Variants in CNTN6 observed in about 807,000 individuals in gnomAD.
CNTN6 encodes the protein contactin-6.
A neutral mutation model predicts 122.8 loss-of-function variants in CNTN6; 137 were observed. That is an observed-to-expected ratio of 1.12 (90% CI 0.97 to 1.29). The LOEUF (loss-of-function observed/expected upper bound fraction) is 1.29. Ranked by LOEUF, CNTN6 falls within the 50% of genes most tolerant of loss-of-function variation. The probability of loss-of-function intolerance (pLI) is 0.00; values close to 1 mark genes in which losing one functional copy is unlikely to be tolerated. For synonymous variants in CNTN6, 570 were observed against 426.0 expected (o/e 1.34, Z -4.16); for missense variants, 1,634 against 1,223.4 (o/e 1.34, Z -5.01).
chr3:1,238,528 G>C (rs1254098003), intron 4 of CNTN6, among the ~76,000 whole-genome samples: 1 of 152,032 alleles, frequency 6.6e-6, no homozygotes, highest in Non-Finnish European at 1.5e-5. Context: ...CACTAGACAA[G>C]TCATCAAGAC....
chr3:1,231,779 C>T (rs1041750474), intron 4 of CNTN6, among the ~76,000 whole-genome samples: 1 of 152,148 alleles, frequency 6.6e-6, no homozygotes, highest in Non-Finnish European at 1.5e-5. Flanking sequence ...CAGGTAGATC[C>T]TATTTTAAGT....
At position 1,383,404 on chromosome 3, in the gene CNTN6, A is replaced by G. The variant is rs374372478; in HGVS notation, c.2513A>G (p.Tyr838Cys). ...WNRNTGRVLG[Y>C]EVLYWTDDSK... ...AGAAACACTGGAAGAGTGCTGGGCT[A>G]TGAGGTAATCCACATTAATTTCACT... The change falls in exon 19 of 23, where the codon TAT (tyrosine) becomes TGT (cysteine). Residue 838 changes from tyrosine to cysteine, a missense_variant. Tyr to Cys is a radical substitution (Grantham distance 194). Coordinates refer to ENST00000446702, the MANE Select transcript of CNTN6 (RefSeq NM_001289080.2). The G allele has an allele frequency of 3.8e-5, 61 of 1,611,978 alleles. No individual in the cohort carries two copies. The highest frequency in any genetic ancestry group is 4.9e-5 in the Non-Finnish European group (58 of 1,178,334).
chr3:1,356,643 T>G (rs1455477187), intron 12 of CNTN6, among the ~76,000 whole-genome samples: 1 of 151,744 alleles, frequency 6.6e-6, no homozygotes, highest in African/African-American at 2.4e-5. Flanking sequence ...TGGAATACAT[T>G]TGTCATATCG....
At chr3:1,343,431 C>A (rs1166053143) in intron 11 of CNTN6, among the ~76,000 whole-genome samples, 1 of 152,036 alleles carries the variant, frequency 6.6e-6, no homozygotes, top group African/African-American at 2.4e-5. Flanking sequence ...GATCAAATAA[C>A]CACATTGTTT....
chr3:1,392,287 G>A (rs529191865), intron 20 of CNTN6, among the ~76,000 whole-genome samples: 1 of 129,252 alleles, frequency 7.7e-6, no homozygotes, highest in African/African-American at 2.9e-5. Context: ...ACAAACCTGA[G>A]AAAAACAAGC....
intron 2 of CNTN6, among the ~76,000 whole-genome samples, chr3:1,198,063 G>A (rs777624710): frequency 6.6e-6 from 1 of 152,130 alleles, no homozygotes; most frequent in Non-Finnish European, 1.5e-5. Flanking sequence ...TAGAGTTCAG[G>A]CGAGCATTCT....
intron 9 of CNTN6, among the ~76,000 whole-genome samples, chr3:1,327,132 C>A (rs971921814): frequency 4.0e-5 from 6 of 151,776 alleles, no homozygotes; most frequent in African/African-American, 1.5e-4. Context: ...TATTGTTAAC[C>A]GTGTTTTCCT....
At chr3:1,277,421 G>A (rs766419231) in intron 4 of CNTN6, among the ~76,000 whole-genome samples, 18 of 126,844 alleles carry the variant, frequency 1.4e-4, no homozygotes, top group Admixed American at 3.1e-4. Context: ...GTACAGTGGC[G>A]CAATCTCGGC....
chr3:1,199,593 T>A (rs1434435897), intron 2 of CNTN6, among the ~76,000 whole-genome samples: 1 of 152,194 alleles, frequency 6.6e-6, no homozygotes, highest in African/African-American at 2.4e-5. Flanking sequence ...AAAAATGCCA[T>A]GAAATATATT....
intron 2 of CNTN6, among the ~76,000 whole-genome samples, chr3:1,216,701 C>T (rs1019930932): frequency 1.3e-5 from 2 of 152,178 alleles, no homozygotes; most frequent in South Asian, 2.1e-4. Context: ...ATTAAAACCT[C>T]TATCTATCTA....
intron 1 of CNTN6, among the ~76,000 whole-genome samples, chr3:1,112,554 T>A (rs2091529830): frequency 6.6e-6 from 1 of 152,062 alleles, no homozygotes; most frequent in Admixed American, 6.6e-5. Context: ...AGAGACCAAT[T>A]CACCTTTTCT....
intron 2 of CNTN6, among the ~76,000 whole-genome samples, chr3:1,204,112 C>T (rs2093924211): frequency 6.6e-6 from 1 of 152,120 alleles, no homozygotes; most frequent in Admixed American, 6.5e-5. Flanking sequence ...ATGGTTAAGC[C>T]ACTCATGACT....
In CNTN6 at chr3:1,401,692, A is replaced by T. The variant is rs941349834; in HGVS notation, c.2817+147A>T. On this transcript the variant is annotated intron_variant, in intron 21 of 22. Coordinates refer to ENST00000446702, the MANE Select transcript of CNTN6 (RefSeq NM_001289080.2). ...TTTGAAAATACCATTGCTGCTTTCT[A>T]ATTTTCCATTGAAAATGTTTTACAT... 8.2e-6 allele frequency: 5 copies of T among 607,008 alleles called. No homozygotes were observed. The African/African-American group carries it at 9.4e-5, about 11-fold the overall frequency. 37.6% of individuals were successfully genotyped at this position (607,008 alleles called of 1,614,324 possible).
At chr3:1,278,296 G>A (rs1014510221) in intron 4 of CNTN6, 117 bp from the exon 5 acceptor site, 5 of 659,344 alleles carry the variant, frequency 7.6e-6, no homozygotes, top group Non-Finnish European at 1.3e-5. Flanking sequence ...AAGTCTTCTG[G>A]TCAGCAAAGT....
intron 4 of CNTN6, among the ~76,000 whole-genome samples, chr3:1,250,334 G>C (rs1395798660): frequency 2.0e-5 from 3 of 152,136 alleles, no homozygotes; most frequent in African/African-American, 4.8e-5. Context: ...ACTTCTACCT[G>C]TGGTTCCAGT....
chr3:1,297,641 T>TTC (rs1468161537), intron 6 of CNTN6, among the ~76,000 whole-genome samples: 15 of 143,712 alleles, frequency 1.0e-4, no homozygotes, highest in Non-Finnish European at 1.9e-4. Flanking sequence ...TTTTTTTCTT[T>TTC]TTTTTTTTTT....
At chr3:1,390,769 TAC>T (rs1275372714) in intron 20 of CNTN6, among the ~76,000 whole-genome samples, 2 of 151,618 alleles carry the variant, frequency 1.3e-5, no homozygotes, top group Non-Finnish European at 1.5e-5. Flanking sequence ...CAGAGAATAC[TAC>T]AAACACCTCT....
chr3:1,348,157 C>CAAAAAAAAAAAAAAAAAAA lies in CNTN6; in HGVS notation c.1365-4166_1365-4148dup, dbSNP rs532282828. ...AATATTAGTATTTCTATGCTATAGA[C>CAAAAAAAAAAAAAAAAAAA]AAAAAAAAAAAAAAAAAAAGGACTT... On this transcript the variant is annotated intron_variant, in intron 11 of 22. Transcript: ENST00000446702. 5.4e-3 allele frequency among the ~76,000 whole-genome samples: 346 copies of CAAAAAAAAAAAAAAAAAAA among 64,214 alleles called. 39 individuals carry two copies. The highest frequency in any genetic ancestry group is 6.3e-3 in the Non-Finnish European group (222 of 35,468). 42.1% of individuals were successfully genotyped at this position (64,214 alleles called of 152,430 possible).
chr3:1,278,573 AG>A, intron 5 of CNTN6, 65 bp downstream of exon 5: 1 of 1,121,364 alleles, frequency 8.9e-7, no homozygotes, highest in African/African-American at 1.6e-5. Context: ...TGAGCACATC[AG>A]GTCTTAGGCT....
Sources: gnomAD v4.1 joint callset for allele counts (sites outside exome capture counted in the v4.1 genomes callset) on GRCh38, gnomAD v4.1.1 for gene constraint, MANE v1.5 for transcripts, NCBI Gene and HGNC (gene_info 2026-07-23, HGNC 2026-07-21) for gene names.